TMOD3: variants seen among roughly 807,000 people sequenced by gnomAD.
The protein encoded by TMOD3 is tropomodulin 3.
TMOD3 carries 20 observed loss-of-function variants against 39.2 expected under a neutral mutation model. The ratio of observed to expected loss-of-function variants is 0.51; its 90% CI spans 0.36 to 0.74. The LOEUF is 0.74. Ranked by LOEUF, TMOD3 falls within the 30% of genes least tolerant of loss-of-function variation. The pLI, the probability that TMOD3 is intolerant of heterozygous loss-of-function variation, is 0.00. For missense variants in TMOD3, 381 were observed against 412.8 expected, an observed-to-expected ratio of 0.92 and a Z score of 0.67; for synonymous variants, 143 against 145.8, an observed-to-expected ratio of 0.98 and a Z score of 0.14.
At chr15:51,834,739 G>A (rs1016069285) in intron 1 of TMOD3, among the ~76,000 whole-genome samples, 2 of 152,260 alleles carry the variant, frequency 1.3e-5, no homozygotes, top group South Asian at 2.1e-4. Flanking sequence ...GCTGAGGCAG[G>A]AGGATCATCT....
At chr15:51,874,492 AAG>A (rs1486158244) in intron 3 of TMOD3, among the ~76,000 whole-genome samples, 2 of 152,214 alleles carry the variant, frequency 1.3e-5, no homozygotes, top group African/African-American at 4.8e-5. Flanking sequence ...ACAGGAGTGA[AAG>A]AGAGTATTCA....
chr15:51,914,736 CT>C lies in TMOD3; in HGVS notation c.*5938del, dbSNP rs879340928. ...CATAGCTGTAACAAATTATTAAGTT[CT>C]TTTTTTTTTTTAAGATGGAGGTTCA... On this transcript the variant is annotated 3_prime_UTR_variant, in exon 10 of 10. Transcript: ENST00000308580. 1.4e-3 allele frequency: 205 copies of C among 143,680 alleles called. No individual in the cohort carries two copies. The highest frequency in any genetic ancestry group is 1.6e-3 in the East Asian group (8 of 4,856). 8.9% of individuals were successfully genotyped at this position (143,680 alleles called of 1,614,324 possible).
At chr15:51,863,059 G>A in intron 2 of TMOD3, 49 bp downstream of exon 2, 2 of 1,578,080 alleles carry the variant, frequency 1.3e-6, no homozygotes, top group South Asian at 2.3e-5. Flanking sequence ...CGAATTCTTT[G>A]AAACTCAGTA....
At chr15:51,877,680 TA>T (rs879610786) in intron 3 of TMOD3, among the ~76,000 whole-genome samples, 6,127 of 136,910 alleles carry the variant, frequency 0.045, 128 homozygotes, top group Non-Finnish European at 0.058. Flanking sequence ...AACTCTGTCT[TA>T]AAAAAAAAAA....
chr15:51,911,165 G>A lies in TMOD3; in HGVS notation c.*2355G>A, dbSNP rs2056709671. On this transcript the variant is annotated 3_prime_UTR_variant, in exon 10 of 10. Coordinates refer to ENST00000308580, the MANE Select transcript of TMOD3 (RefSeq NM_014547.5). ...TTTGCATTGTCCTGTAAGTCAATTAGTTGATAAATAGTTCCCCCTTCATCC... is the reference window on the plus strand; with the variant it reads ...TTTGCATTGTCCTGTAAGTCAATTAATTGATAAATAGTTCCCCCTTCATCC... 6.6e-6 allele frequency: 1 copy of A among 152,170 alleles called. No homozygotes were observed. The highest frequency in any genetic ancestry group is 2.1e-4 in the South Asian group (1 of 4,822). The allele number at this position is 152,170 out of a possible 1,614,324, so 9.4% of individuals were successfully genotyped here. A position where few individuals can be genotyped will look rare whatever the true frequency, so the allele number is the denominator to read the frequency against.
In TMOD3 at chr15:51,905,929, C is replaced by T. The variant is rs1271252294; in HGVS notation, c.1025-2847C>T. ...ACTGCAGTCCGCAGTCCGGCCTGGG[C>T]AACAGAGCGAGACTCCGTCTCAAAA... On this transcript the variant is annotated intron_variant, in intron 9 of 9. Coordinates refer to ENST00000308580, the MANE Select transcript of TMOD3 (RefSeq NM_014547.5). Among the ~76,000 whole-genome samples, 19 of 103,276 alleles carry T rather than the reference C, an allele frequency of 1.8e-4. No homozygotes were observed. The Admixed American group carries it at 3.1e-3, about 17-fold the overall frequency. The allele number at this position is 103,276 out of a possible 152,430, so 67.8% of individuals were successfully genotyped here. A position where few individuals can be genotyped will look rare whatever the true frequency, so the allele number is the denominator to read the frequency against.
At chr15:51,882,785 T>G (rs921771650) in intron 3 of TMOD3, among the ~76,000 whole-genome samples, 1 of 152,126 alleles carries the variant, frequency 6.6e-6, no homozygotes, top group African/African-American at 2.4e-5. Flanking sequence ...TGGGTTTCCA[T>G]GTGAATTTTA....
intron 3 of TMOD3, among the ~76,000 whole-genome samples, chr15:51,879,772 G>C (rs2141695400): frequency 6.6e-6 from 1 of 151,866 alleles, no homozygotes; most frequent in Middle Eastern, 3.4e-3. Context: ...AAGGAACACT[G>C]ACAGAGATAC....
rs193154692 is a variant in TMOD3 at position 51,859,390 on chromosome 15, T to A, written c.-74-3421T>A. 2.5e-3 allele frequency: 1,686 copies of A among 687,408 alleles called. 5 individuals carry two copies. The highest frequency in any genetic ancestry group is 3.2e-3 in the Non-Finnish European group (1,153 of 360,490). The allele number at this position is 687,408 out of a possible 1,614,324, so 42.6% of individuals were successfully genotyped here. The stretch of plus-strand genomic sequence containing the variant: ...CTCAAAGCCCTCTCATAATATTCTC[T>A]TAATGTTCACCATCTTGCAGGATTC... On this transcript the variant is annotated intron_variant, in intron 1 of 9. Transcript: ENST00000308580.
intron 1 of TMOD3, among the ~76,000 whole-genome samples, chr15:51,855,449 C>T (rs1028366314): frequency 1.3e-5 from 2 of 152,248 alleles, no homozygotes; most frequent in African/African-American, 4.8e-5. Flanking sequence ...GGAAAATAGT[C>T]TGAACATATC....
intron 3 of TMOD3, among the ~76,000 whole-genome samples, chr15:51,886,368 C>G (rs1212464563): frequency 6.6e-6 from 1 of 152,242 alleles, no homozygotes; most frequent in Non-Finnish European, 1.5e-5. Context: ...GCACTCCAGC[C>G]TGGGCAACAT....
intron 3 of TMOD3, among the ~76,000 whole-genome samples, chr15:51,879,421 C>T (rs879233235): frequency 6.6e-6 from 1 of 151,048 alleles, no homozygotes; most frequent in African/African-American, 2.4e-5. Context: ...ATTATAATTT[C>T]AGTTTTTAAA....
chr15:51,907,399 T>C (rs1259477964), intron 9 of TMOD3: 5 of 152,236 alleles, frequency 3.3e-5, no homozygotes, highest in Admixed American at 6.5e-5. Flanking sequence ...CCTGATACTT[T>C]AGTCCTTCTG....
chr15:51,842,192 G>T (rs2141670069), intron 1 of TMOD3, among the ~76,000 whole-genome samples: 1 of 152,254 alleles, frequency 6.6e-6, no homozygotes, highest in African/African-American at 2.4e-5. Context: ...CTGCTTCTGT[G>T]CCAGAGGTTT....
intron 7 of TMOD3, among the ~76,000 whole-genome samples, 159 bp from the exon 8 acceptor site, chr15:51,899,996 G>T (rs982840605): frequency 1.3e-5 from 2 of 152,180 alleles, no homozygotes; most frequent in African/African-American, 2.4e-5. Context: ...AATACTGAGG[G>T]ACAACTGTAC....
At chr15:51,851,681 T>A (rs2623245) in intron 1 of TMOD3, among the ~76,000 whole-genome samples, 100,106 of 152,052 alleles carry the variant, frequency 0.66, 34,098 homozygotes, top group East Asian at 1. Flanking sequence ...CTCCTCAGGA[T>A]AAAAATAGGT....
intron 5 of TMOD3, 150 bp from the exon 6 acceptor site, chr15:51,893,665 T>C (rs2056606076): frequency 3.4e-6 from 2 of 592,256 alleles, no homozygotes; most frequent in South Asian, 8.7e-5. Context: ...CTCAGGAGGC[T>C]GAGGCAGGAG....
chr15:51,848,278 T>G (rs776738352), intron 1 of TMOD3, among the ~76,000 whole-genome samples: 5 of 152,224 alleles, frequency 3.3e-5, no homozygotes, highest in Non-Finnish European at 7.3e-5. Flanking sequence ...AAAAAGGAAA[T>G]GACCTTATGA....
intron 3 of TMOD3, among the ~76,000 whole-genome samples, chr15:51,873,185 G>C (rs1299700565): frequency 6.6e-6 from 1 of 152,138 alleles, no homozygotes; most frequent in Non-Finnish European, 1.5e-5. Flanking sequence ...CGTTCCAGAA[G>C]GTCCTCAGAG....
Sources: allele counts gnomAD v4.1 joint callset (sites outside exome capture counted in the v4.1 genomes callset), GRCh38; gene constraint gnomAD v4.1.1; transcripts MANE v1.5; gene names NCBI Gene and HGNC (gene_info 2026-07-23, HGNC 2026-07-21).